Variants in UBE2D3 observed in about 807,000 individuals in gnomAD.
UBE2D3 encodes ubiquitin conjugating enzyme E2 D3, also known as ubiquitin-conjugating enzyme E2 D3.
A neutral mutation model predicts 22.8 loss-of-function variants in UBE2D3; 2 were observed. The ratio of observed to expected loss-of-function variants is 0.09; its 90% confidence interval spans 0.04 to 0.28. The LOEUF (loss-of-function observed/expected upper bound fraction) is 0.28, where lower values mean the gene tolerates loss of function less well. Ranked by LOEUF, UBE2D3 falls within the 10% of genes least tolerant of loss-of-function variation. UBE2D3 has a pLI of 1.00. For synonymous variants in UBE2D3, 56 were observed against 60.4 expected, an observed-to-expected ratio of 0.93 and a Z score of 0.34; for missense variants, 27 against 182.5, an observed-to-expected ratio of 0.15 and a Z score of 4.91.
chr4:102,806,292 T>C (rs1290662483), intron 4 of UBE2D3, among the ~76,000 whole-genome samples: 1 of 152,184 alleles, frequency 6.6e-6, no homozygotes, highest in Non-Finnish European at 1.5e-5. Flanking sequence ...ATATTCTTCC[T>C]TATAATATAG....
rs1009992270 is a variant in UBE2D3, at chr4:102,813,217, C to T, written c.25-3362G>A. 1.6e-4 allele frequency among the ~76,000 whole-genome samples: 24 copies of T among 152,220 alleles called. No homozygotes were observed. The Middle Eastern group carries it at 0.01, about 65-fold the overall frequency. ...GGGAATCTCACTATGTTGCCCAAGC[C>T]GGACTACAGTGGCTATTCACAGGCG... is the stretch of plus-strand genomic sequence containing the variant. On this transcript the variant is annotated intron_variant, in intron 2 of 7. Coordinates refer to ENST00000453744, the MANE Select transcript of UBE2D3 (RefSeq NM_181891.3).
intron 2 of UBE2D3, chr4:102,819,539 T>A (rs1258447174): frequency 6.1e-6 from 6 of 984,576 alleles, no homozygotes; most frequent in South Asian, 4.7e-5. Flanking sequence ...AACCAAAAGG[T>A]AGCATTTATG....
chr4:102,853,135 A>ATTTTTTTTTTTTTTT (rs151339235), intron 1 of UBE2D3, among the ~76,000 whole-genome samples: 2 of 88,598 alleles, frequency 2.3e-5, no homozygotes, highest in African/African-American at 9.5e-5. Flanking sequence ...AAACACACAC[A>ATTTTTTTTTTTTTTT]TTTTTTTTTT....
At chr4:102,811,874 G>A (rs1041724410) in intron 2 of UBE2D3, 2 of 383,442 alleles carry the variant, frequency 5.2e-6, no homozygotes, top group Non-Finnish European at 1.0e-5. Flanking sequence ...AAAAAATTAC[G>A]ATAAAGCCAG....
chr4:102,825,788 A>G, intron 2 of UBE2D3: 1 of 459,958 alleles, frequency 2.2e-6, no homozygotes, highest in Non-Finnish European at 4.3e-6. Flanking sequence ...AGGAAAAGGG[A>G]GCTTCCAGAA....
chr4:102,863,344 C>T (rs932459709), intron 1 of UBE2D3, among the ~76,000 whole-genome samples: 1 of 152,076 alleles, frequency 6.6e-6, no homozygotes, highest in African/African-American at 2.4e-5. Flanking sequence ...AGCCACCGAG[C>T]CCGGCCCCAG....
At chr4:102,828,221 G>T (rs1730884207), upstream of UBE2D3, 1 of 985,300 alleles carries the variant, frequency 1.0e-6, no homozygotes. Flanking sequence ...TGTCTCACGC[G>T]CCCAATCAGG....
rs1726150425 is a variant in UBE2D3, at chr4:102,801,518, A to G, written c.240T>C (p.Ser80=). The G allele has an allele frequency of 6.2e-7, 1 of 1,609,646 alleles. No homozygotes were observed. The highest frequency in any genetic ancestry group is 1.3e-5 in the African/African-American group (1 of 74,780). ...GAATATCGAGACAAATGCTGCCATT[A>G]CTGTTAATATTTGGATGATAAATTC... The part of the protein sequence containing the change: ...TTRIYHPNIN[S]NGSICLDILR... The change falls in exon 6 of 8, where the codon AGT becomes AGC. Residue 80 remains serine, a synonymous_variant. Coordinates refer to ENST00000453744, the MANE Select transcript of UBE2D3 (RefSeq NM_181891.3).
chr4:102,836,998 A>C (rs1731444949), intron 1 of UBE2D3: 1 of 152,256 alleles, frequency 6.6e-6, no homozygotes, highest in Non-Finnish European at 1.5e-5. Flanking sequence ...CGAGATAGCA[A>C]AATTTAAGAT....
At chr4:102,846,229 T>C (rs1732035447) in intron 1 of UBE2D3, among the ~76,000 whole-genome samples, 1 of 152,192 alleles carries the variant, frequency 6.6e-6, no homozygotes, top group Admixed American at 6.5e-5. Flanking sequence ...ACTTCAGAGC[T>C]CCTAGGAAAT....
At chr4:102,807,527 A>T in intron 4 of UBE2D3, among the ~76,000 whole-genome samples, 1 of 152,196 alleles carries the variant, frequency 6.6e-6, no homozygotes, top group Non-Finnish European at 1.5e-5. Context: ...CTGCTACCAA[A>T]GCAAAACCCA....
chr4:102,854,677 T>A lies in UBE2D3; in HGVS notation c.-129+14038A>T, dbSNP rs578137653. ...TCTTTCTTTATTTACTTTTCACCTA[T>A]CTATGTCTTTATATTTAAAGTGAGT... On this transcript the variant is annotated intron_variant, in intron 1 of 7. Coordinates refer to the UBE2D3 transcript ENST00000338145. 1.2e-4 allele frequency among the ~76,000 whole-genome samples: 18 copies of A among 152,314 alleles called. 1 individual carries two copies. The highest frequency in any genetic ancestry group is 4.3e-4 in the African/African-American group (18 of 41,566).
chr4:102,852,910 T>G (rs1356333249), intron 1 of UBE2D3, among the ~76,000 whole-genome samples: 1 of 152,164 alleles, frequency 6.6e-6, no homozygotes, highest in Non-Finnish European at 1.5e-5. Flanking sequence ...CTATTGGTCA[T>G]TTAACATTTT....
intron 2 of UBE2D3, among the ~76,000 whole-genome samples, chr4:102,822,659 C>G (rs1265492407): frequency 6.8e-6 from 1 of 147,916 alleles, no homozygotes; most frequent in African/African-American, 2.5e-5. Context: ...AGGGCCAGGC[C>G]ACGTGGTGGC....
intron 2 of UBE2D3, among the ~76,000 whole-genome samples, chr4:102,822,350 G>C (rs1729750577): frequency 2.0e-5 from 3 of 152,188 alleles, no homozygotes; most frequent in Admixed American, 6.5e-5. Context: ...TGAAACACAT[G>C]CAAGACAGTT....
chr4:102,809,766 T>G (rs1245450579), intron 3 of UBE2D3, 26 bp downstream of exon 3: 1 of 1,613,278 alleles, frequency 6.2e-7, no homozygotes, highest in Admixed American at 1.7e-5. Flanking sequence ...AAATTAGGCA[T>G]AAAAATCAAC....
At chr4:102,822,912 G>A (rs1286819053) in intron 2 of UBE2D3, among the ~76,000 whole-genome samples, 6 of 152,128 alleles carry the variant, frequency 3.9e-5, no homozygotes, top group African/African-American at 1.4e-4. Context: ...CTCCAGCCTG[G>A]GTAACACAGT....
At chr4:102,842,754 G>A (rs77244503) in intron 1 of UBE2D3, among the ~76,000 whole-genome samples, 1,811 of 152,236 alleles carry the variant, frequency 0.012, 21 homozygotes, top group African/African-American at 0.036. Context: ...TTTAGATTTG[G>A]AGACAACAAA....
At position 102,795,829 on chromosome 4, in the gene UBE2D3, A is replaced by C. The variant is rs1302595144; in HGVS notation, c.*1586T>G. The stretch of plus-strand genomic sequence containing the variant: ...GAGTCACAGATGTGCTAGAACTTTA[A>C]GAAATAAAGCAGTGAACAAAATCAA... On this transcript the variant is annotated 3_prime_UTR_variant, in exon 8 of 8. Transcript: ENST00000453744. 1.3e-5 allele frequency: 2 copies of C among 152,384 alleles called. No individual in the cohort carries two copies. The highest frequency in any genetic ancestry group is 3.9e-4 in the East Asian group (2 of 5,192). The allele number at this position is 152,384 out of a possible 1,614,324, so 9.4% of individuals were successfully genotyped here.
Sources: allele counts gnomAD v4.1 joint callset (sites outside exome capture counted in the v4.1 genomes callset), GRCh38; gene constraint gnomAD v4.1.1; transcripts MANE v1.5; gene names NCBI Gene and HGNC (gene_info 2026-07-23, HGNC 2026-07-21).